PIK3CA: variants seen among roughly 807,000 people sequenced by gnomAD.
PIK3CA encodes phosphatidylinositol 4,5-bisphosphate 3-kinase catalytic subunit alpha isoform.
A neutral mutation model predicts 138.2 loss-of-function variants in PIK3CA; 27 were observed. The observed-to-expected ratio is 0.20, with a 90% confidence interval of 0.14 to 0.27. The LOEUF is 0.27. Among genes scored for constraint, PIK3CA ranks in the 10% least tolerant of loss-of-function variants. The probability of loss-of-function intolerance (pLI) is 1.00; values close to 1 mark genes in which losing one functional copy is unlikely to be tolerated. For missense variants in PIK3CA, 544 were observed against 1,277.4 expected (o/e 0.43, Z 8.75); for synonymous variants, 358 against 413.2 (o/e 0.87, Z 1.62).
chr3:179,176,884 A>G (rs1413887320), intron 1 of PIK3CA, among the ~76,000 whole-genome samples: 2 of 152,210 alleles, frequency 1.3e-5, no homozygotes, highest in Admixed American at 1.3e-4. Flanking sequence ...AATTTGAATC[A>G]TATTGTCAGA....
intron 1 of PIK3CA, among the ~76,000 whole-genome samples, chr3:179,185,250 T>C (rs2108373992): frequency 6.6e-6 from 1 of 152,352 alleles, no homozygotes; most frequent in African/African-American, 2.4e-5. Context: ...CCTGATGACT[T>C]ACAGAAACAT....
At chr3:179,164,811 GTGAGCCAAGAT>G (rs1723374643) in intron 1 of PIK3CA, among the ~76,000 whole-genome samples, 1 of 152,042 alleles carries the variant, frequency 6.6e-6, no homozygotes, top group Non-Finnish European at 1.5e-5. Flanking sequence ...GGAGGTAGCA[GTGAGCCAAGAT>G]TGCGCCATTG....
chr3:179,190,702 A>T (rs900078274), intron 1 of PIK3CA, among the ~76,000 whole-genome samples: 1 of 152,014 alleles, frequency 6.6e-6, no homozygotes, highest in African/African-American at 2.4e-5. Flanking sequence ...TCTCCTCTGG[A>T]GGCTCAGTAT....
chr3:179,149,366 T>C (rs2108345388), intron 1 of PIK3CA, among the ~76,000 whole-genome samples: 1 of 152,254 alleles, frequency 6.6e-6, no homozygotes, highest in Middle Eastern at 3.4e-3. Flanking sequence ...CACCAGACGT[T>C]CAGCCGGCGT....
At chr3:179,217,937 G>C (rs1724873893) in intron 9 of PIK3CA, among the ~76,000 whole-genome samples, 1 of 151,994 alleles carries the variant, frequency 6.6e-6, no homozygotes, top group Admixed American at 6.6e-5. Context: ...ATCTGGTCTT[G>C]TTGTTGGCTA....
rs941377832 is a variant in PIK3CA, at chr3:179,189,561, C to T, written c.-76-9189C>T. 1.7e-4 allele frequency among the ~76,000 whole-genome samples: 26 copies of T among 152,106 alleles called. 1 individual carries two copies. The highest frequency in any genetic ancestry group is 6.0e-4 in the African/African-American group (25 of 41,504). On this transcript the variant is annotated intron_variant, in intron 1 of 20. Transcript: ENST00000263967. Reference sequence around the variant, plus strand: ...GAAGTCCACATTGCTATAAATACTACTCACCTAAGCCTTGATTATTTGTCA... The same window carrying T: ...GAAGTCCACATTGCTATAAATACTATTCACCTAAGCCTTGATTATTTGTCA...
intron 7 of PIK3CA, 64 bp downstream of exon 7, chr3:179,209,764 G>A (rs1275886642): frequency 3.6e-6 from 3 of 829,696 alleles, no homozygotes; most frequent in Non-Finnish European, 3.8e-6. Context: ...ACCGCTGATT[G>A]AATTTTTTCA....
At chr3:179,173,470 T>C (rs1332803602) in intron 1 of PIK3CA, among the ~76,000 whole-genome samples, 1 of 144,850 alleles carries the variant, frequency 6.9e-6, no homozygotes, top group East Asian at 2.0e-4. Context: ...TCCCAGCTAC[T>C]CGGGAGGCTG....
At chr3:179,190,928 C>T (rs988708747) in intron 1 of PIK3CA, among the ~76,000 whole-genome samples, 6 of 152,220 alleles carry the variant, frequency 3.9e-5, no homozygotes, top group Non-Finnish European at 5.9e-5. Context: ...CGAAAATTGT[C>T]TTGCTCTGCG....
chr3:179,208,680 C>G (rs916014958), intron 6 of PIK3CA, among the ~76,000 whole-genome samples: 3 of 152,020 alleles, frequency 2.0e-5, no homozygotes, highest in Admixed American at 2.0e-4. Flanking sequence ...ACATGTAGCA[C>G]CCAGTAAATT....
At chr3:179,213,081 A>G (rs949405562) in intron 9 of PIK3CA, among the ~76,000 whole-genome samples, 2 of 152,128 alleles carry the variant, frequency 1.3e-5, no homozygotes, top group African/African-American at 4.8e-5. Context: ...AACAATAGTG[A>G]GCTAAGAATA....
rs550791928 is a variant in PIK3CA at position 179,187,676 on chromosome 3, C to T, written c.-76-11074C>T. Among the ~76,000 whole-genome samples, 10 of 151,446 alleles carry T rather than the reference C, an allele frequency of 6.6e-5. No homozygotes were observed. In the South Asian group the frequency reaches 1.0e-3, roughly 16 times the overall value. On this transcript the variant is annotated intron_variant, in intron 1 of 20. Coordinates refer to ENST00000263967, the MANE Select transcript of PIK3CA (RefSeq NM_006218.4). ...TCTTTGGGATGGAGTCTTGCTCTGT[C>T]GCCCAGGGTGGAGTGCAGTGGCACC...
chr3:179,199,818 A>G lies in PIK3CA; in HGVS notation c.481A>G (p.Ser161Gly). ...TCTTAGGGACCTCAATTCACCTCAT[A>G]GTAGAGCAATGTATGTCTATCCTCC... ...VDLRDLNSPH[S>G]RAMYVYPPNV... The change falls in exon 3 of 21, where the codon AGT becomes GGT. Residue 161 changes from serine (S) to glycine (G), a missense_variant. Around this residue, in one of 14 missense-constraint regions of PIK3CA, gnomAD observed 234 missense variants for 401.3 expected, o/e 0.58. Coordinates refer to ENST00000263967, the MANE Select transcript of PIK3CA (RefSeq NM_006218.4). 6.2e-7 allele frequency: 1 copy of G among 1,612,890 alleles called. No homozygotes were observed. Among genetic ancestry groups the G allele is most frequent in the South Asian group, 1.1e-5 (1 of 91,052 alleles).
chr3:179,165,674 C>T (rs1723400078), intron 1 of PIK3CA, among the ~76,000 whole-genome samples: 1 of 152,200 alleles, frequency 6.6e-6, no homozygotes, highest in African/African-American at 2.4e-5. Flanking sequence ...TACTGTAATT[C>T]TCACAATTTG....
intron 10 of PIK3CA, 26 bp downstream of exon 10, chr3:179,218,360 GTTTCTT>G: frequency 1.3e-6 from 2 of 1,577,798 alleles, no homozygotes; most frequent in East Asian, 2.3e-5. Context: ...GAGATTCTCT[GTTTCTT>G]TTTCTTTATT....
intron 1 of PIK3CA, among the ~76,000 whole-genome samples, chr3:179,148,883 G>C (rs1053826725): frequency 6.6e-6 from 1 of 152,112 alleles, no homozygotes; most frequent in Non-Finnish European, 1.5e-5. Flanking sequence ...TTTGGGGACG[G>C]GGCGGCTGGA....
chr3:179,212,913 G>T (rs775631488), intron 9 of PIK3CA, among the ~76,000 whole-genome samples: 1 of 152,100 alleles, frequency 6.6e-6, no homozygotes, highest in Non-Finnish European at 1.5e-5. Flanking sequence ...TTATATTTCT[G>T]TTAAGACTTC....
At chr3:179,192,020 T>C (rs1234808195) in intron 1 of PIK3CA, among the ~76,000 whole-genome samples, 1 of 152,244 alleles carries the variant, frequency 6.6e-6, no homozygotes, top group Non-Finnish European at 1.5e-5. Flanking sequence ...TTCTGCATAT[T>C]TTAAAGTAGT....
intron 1 of PIK3CA, among the ~76,000 whole-genome samples, chr3:179,155,418 G>T (rs769573131): frequency 1.3e-5 from 2 of 152,152 alleles, no homozygotes; most frequent in Admixed American, 1.3e-4. Flanking sequence ...CATTTATTGA[G>T]CACAGATTTG....
Sources: gnomAD v4.1 joint callset for allele counts (sites outside exome capture counted in the v4.1 genomes callset) on GRCh38, gnomAD v4.1.1 for gene constraint, gnomAD v4.1.1 regional missense constraint, MANE v1.5 for transcripts, NCBI Gene and HGNC (gene_info 2026-07-23, HGNC 2026-07-21) for gene names.